Variants in FHAD1 observed in about 807,000 individuals in gnomAD.
The protein encoded by FHAD1 is forkhead-associated domain-containing protein 1.
Under a neutral mutation model 191.3 loss-of-function variants are expected in FHAD1, and 146 were observed. The ratio of observed to expected loss-of-function variants is 0.76; its 90% confidence interval spans 0.67 to 0.88. The LOEUF (loss-of-function observed/expected upper bound fraction) is 0.88. FHAD1 is among the 40% of genes least tolerant of loss of function. The pLI, the probability that FHAD1 is intolerant of heterozygous loss-of-function variation, is 0.00. For missense variants in FHAD1, 1,635 were observed against 1,785.8 expected (o/e 0.92, Z 1.52); for synonymous variants, 616 against 672.3 (o/e 0.92, Z 1.29).
intron 2 of FHAD1, among the ~76,000 whole-genome samples, chr1:15,255,272 ATAT>A (rs1367395797): frequency 6.6e-6 from 1 of 152,186 alleles, no homozygotes; most frequent in Non-Finnish European, 1.5e-5. Context: ...TTGCTTATTG[ATAT>A]TATAATATTC....
chr1:15,338,724 G>A (rs1009728578), intron 14 of FHAD1, among the ~76,000 whole-genome samples: 3 of 152,084 alleles, frequency 2.0e-5, no homozygotes, highest in African/African-American at 7.2e-5. Flanking sequence ...GGTCTTACTC[G>A]CTCACTCCAG....
chr1:15,365,245 G>A (rs1039751566), intron 23 of FHAD1, among the ~76,000 whole-genome samples: 2 of 152,200 alleles, frequency 1.3e-5, no homozygotes, highest in African/African-American at 4.8e-5. Flanking sequence ...ATGGTGGGTA[G>A]TGGGTATCAG....
rs751581796 is a variant in FHAD1, at chr1:15,327,071, A to G, written c.1486A>G (p.Arg496Gly). ...ERAVGQLEHF[R>G]SQVIKATYGR... ...CTCTCTGCTGCAGCTGGAGCACTTC[A>G]GAAGTCAAGTCATCAAGGCCACCTA... is the stretch of plus-strand genomic sequence containing the variant. The change falls in exon 12 of 34, where the codon AGA becomes GGA. Residue 496 changes from arginine (R) to glycine (G), a missense_variant. Arg to Gly is a moderately radical substitution (Grantham distance 125, BLOSUM62 -2). Coordinates refer to ENST00000688493, the MANE Select transcript of FHAD1 (RefSeq NM_001391957.1). The surrounding 1 kb of genome is among the most constrained non-coding windows in gnomAD (Gnocchi z 5.1). The G allele has an allele frequency of 2.1e-5, 32 of 1,549,954 alleles. No individual in the cohort carries two copies. The highest frequency in any genetic ancestry group is 2.8e-5 in the Non-Finnish European group (32 of 1,146,340).
chr1:15,368,277 T>A (rs191266322), intron 25 of FHAD1, among the ~76,000 whole-genome samples: 3 of 152,104 alleles, frequency 2.0e-5, no homozygotes, highest in African/African-American at 7.2e-5. Context: ...CCCGGCCCCA[T>A]TGCCTGTTTA....
rs1570122943 is a variant in FHAD1 at position 15,356,633 on chromosome 1, A to G, written c.2563-1477A>G. 3.9e-5 allele frequency among the ~76,000 whole-genome samples: 6 copies of G among 152,178 alleles called. No individual in the cohort carries two copies. In the South Asian group the frequency reaches 1.2e-3, roughly 32 times the overall value. The stretch of plus-strand genomic sequence containing the variant: ...ACGCCTGTAATCCCAGCACTTTGGG[A>G]GGTCGAGGTGGGAAGATCACCTGAG... On this transcript the variant is annotated intron_variant, in intron 20 of 33. Coordinates refer to ENST00000688493, the MANE Select transcript of FHAD1 (RefSeq NM_001391957.1).
At chr1:15,300,303 G>A (rs777898514) in intron 5 of FHAD1, among the ~76,000 whole-genome samples, 4 of 152,028 alleles carry the variant, frequency 2.6e-5, no homozygotes, top group African/African-American at 4.8e-5. Context: ...GTTTTTTCCA[G>A]CCTGAAATTT....
Position 15,290,870 on chromosome 1 carries a change from G to A in FHAD1, c.568+1204G>A, listed in dbSNP as rs549517625. Among the ~76,000 whole-genome samples the A allele has an allele frequency of 1.1e-4, 16 of 150,850 alleles. No individual in the cohort carries two copies. The South Asian group carries it at 1.3e-3, about 12-fold the overall frequency. On this transcript the variant is annotated intron_variant, in intron 4 of 33. Transcript: ENST00000688493. Reference sequence around the variant, plus strand: ...ACTACAGGCTCCTGCCACTATACCCGGCTAATTTTTTGTTTTTGTATTTTT... The same window carrying A: ...ACTACAGGCTCCTGCCACTATACCCAGCTAATTTTTTGTTTTTGTATTTTT...
At chr1:15,293,607 A>T (rs538254988) in intron 4 of FHAD1, among the ~76,000 whole-genome samples, 3 of 152,084 alleles carry the variant, frequency 2.0e-5, no homozygotes, top group Non-Finnish European at 4.4e-5. Flanking sequence ...AATCCCAGCT[A>T]CTCAGGAGGC....
chr1:15,367,478 A>C lies in FHAD1; in HGVS notation c.3170A>C (p.Lys1057Thr), dbSNP rs777341886. 1.2e-5 allele frequency: 18 copies of C among 1,551,268 alleles called. No individual in the cohort carries two copies. Among genetic ancestry groups the C allele is most frequent in the Non-Finnish European group, 1.6e-5 (18 of 1,146,868 alleles). Residue 1057 changes from lysine (K) to threonine (T), a missense_variant, in exon 25 of 34, where the codon AAG becomes ACG. Transcript: ENST00000688493. ...TCACTCGCAGGGGAGCTAAACGAGA[A>C]GCAGAAGATGGAACTGGAGCAGAAC... ...MSDLRGELNE[K>T]QKMELEQNVV...
At chr1:15,378,835 C>T (rs573978862) in intron 28 of FHAD1, among the ~76,000 whole-genome samples, 5 of 151,962 alleles carry the variant, frequency 3.3e-5, no homozygotes, top group African/African-American at 9.7e-5. Flanking sequence ...TCTTGGTGTT[C>T]GTGGCGAGCA....
In FHAD1 at chr1:15,251,840, C is replaced by G. The variant is rs936755602; in HGVS notation, c.56C>G (p.Thr19Arg). 1.9e-5 allele frequency: 29 copies of G among 1,552,202 alleles called. No homozygotes were observed. In the African/African-American group the frequency reaches 3.4e-4, roughly 18 times the overall value. ...TTTTTTGTCCTAAATAAAAGTACCA[C>G]AATTGGAAGGCATGAAAATTCAGAC... The part of the protein sequence containing the change: ...EGFFVLNKST[T>R]IGRHENSDLV... Residue 19 changes from threonine to arginine, a missense_variant, in exon 2 of 34, where the codon ACA becomes AGA. Thr to Arg is a moderately conservative substitution (Grantham distance 71). Transcript: ENST00000688493.
intron 3 of FHAD1, among the ~76,000 whole-genome samples, chr1:15,274,598 C>T (rs1412490905): frequency 3.0e-5 from 4 of 133,434 alleles, no homozygotes; most frequent in Non-Finnish European, 4.7e-5. Flanking sequence ...GGTGACAGAG[C>T]AAGACTCCGC....
At chr1:15,375,884 G>A (rs1448097512) in intron 28 of FHAD1, among the ~76,000 whole-genome samples, 154 bp downstream of exon 28, 1 of 152,130 alleles carries the variant, frequency 6.6e-6, no homozygotes, top group African/African-American at 2.4e-5. Flanking sequence ...GACCATACCC[G>A]TTGTCCAGGG....
intron 11 of FHAD1, chr1:15,326,104 G>A (rs1574366403): frequency 6.6e-6 from 1 of 152,460 alleles, no homozygotes; most frequent in Non-Finnish European, 1.5e-5. Flanking sequence ...TCCTGGCAGG[G>A]TCACTGCAGA....
At chr1:15,358,421 A>T (rs1693563610) in intron 21 of FHAD1, 138 bp downstream of exon 21, 1 of 806,992 alleles carries the variant, frequency 1.2e-6, no homozygotes, top group Non-Finnish European at 1.9e-6. Flanking sequence ...CTTTCCTGTC[A>T]GGGGCTGTCC....
At chr1:15,375,247 C>A (rs763418132) in intron 27 of FHAD1, among the ~76,000 whole-genome samples, 1 of 152,138 alleles carries the variant, frequency 6.6e-6, no homozygotes, top group African/African-American at 2.4e-5. Flanking sequence ...TTACAGTACC[C>A]CCTTTAGAGG....
At chr1:15,375,942 T>C (rs1699447588) in intron 28 of FHAD1, among the ~76,000 whole-genome samples, 1 of 152,214 alleles carries the variant, frequency 6.6e-6, no homozygotes, top group Non-Finnish European at 1.5e-5. Flanking sequence ...TGGTTCCGCA[T>C]GGTGTTGACA....
intron 31 of FHAD1, 37 bp from the exon 32 acceptor site, chr1:15,388,014 T>G (rs1230242388): frequency 8.3e-7 from 1 of 1,202,280 alleles, no homozygotes; most frequent in Admixed American, 2.3e-5. Context: ...CACACTAAGG[T>G]TAGCACTCTC....
chr1:15,308,628 A>C lies in FHAD1; in HGVS notation c.931A>C (p.Lys311Gln). 1 of 1,551,738 alleles carries C rather than the reference A, an allele frequency of 6.4e-7. No homozygotes were observed. ...CCTCCCACAGATCAGTGCCCTACAGAAAGGCTACAGCAAGGTGCTGTGCCA... is the reference window on the plus strand; with the variant it reads ...CCTCCCACAGATCAGTGCCCTACAGCAAGGCTACAGCAAGGTGCTGTGCCA... ...SLKSQISALQ[K>Q]GYSKVLCQTL... Residue 311 changes from lysine to glutamine, a missense_variant, in exon 7 of 34, where the codon AAA becomes CAA. Lys to Gln is a moderately conservative substitution (Grantham distance 53). Transcript: ENST00000688493.
Sources: allele counts gnomAD v4.1 joint callset (sites outside exome capture counted in the v4.1 genomes callset), GRCh38; gene constraint gnomAD v4.1.1; non-coding constraint Gnocchi (gnomAD v3.1); transcripts MANE v1.5; gene names NCBI Gene and HGNC (gene_info 2026-07-23, HGNC 2026-07-21).